The following RFFL variants were observed in gnomAD, a reference collection of about 807,000 sequenced individuals.
The protein encoded by RFFL is ring finger and FYVE like domain containing E3 ubiquitin protein ligase, also known as E3 ubiquitin-protein ligase rififylin.
A neutral mutation model predicts 40.4 loss-of-function variants in RFFL; 16 were observed. The observed-to-expected ratio is 0.40, with a 90% CI of 0.27 to 0.60. The LOEUF (loss-of-function observed/expected upper bound fraction) is 0.60. Ranked by LOEUF, RFFL falls within the 20% of genes least tolerant of loss-of-function variation. The probability of loss-of-function intolerance (pLI) is 0.47; values close to 1 mark genes in which losing one functional copy is unlikely to be tolerated. For synonymous variants in RFFL, 154 were observed against 167.9 expected (o/e 0.92, Z 0.64); for missense variants, 367 against 451.7 (o/e 0.81, Z 1.70).
rs2090931850 is a variant in RFFL, at chr17:35,010,686, A to T, written c.*1282T>A. Reference sequence around the variant, plus strand: ...AGAATAGCTTGAACCTGGGAGGTGGAGGTTGCAGTAAGCCAAGACTGTACC... The same window carrying T: ...AGAATAGCTTGAACCTGGGAGGTGGTGGTTGCAGTAAGCCAAGACTGTACC... On this transcript the variant is annotated 3_prime_UTR_variant, in exon 7 of 7. Transcript: ENST00000394597. 6.7e-6 allele frequency: 1 copy of T among 149,488 alleles called. No individual in the cohort carries two copies. Among genetic ancestry groups the T allele is most frequent in the Admixed American group, 6.7e-5 (1 of 14,898 alleles). The allele number at this position is 149,488 out of a possible 1,614,324, so 9.3% of individuals were successfully genotyped here. A position where few individuals can be genotyped will look rare whatever the true frequency, so the allele number is the denominator to read the frequency against.
intron 1 of RFFL, among the ~76,000 whole-genome samples, chr17:35,070,949 C>T (rs958537047): frequency 3.3e-5 from 5 of 152,174 alleles, no homozygotes; most frequent in African/African-American, 1.2e-4. Flanking sequence ...GTATTTGCAG[C>T]ACTTTGGGAG....
intron 1 of RFFL, among the ~76,000 whole-genome samples, chr17:35,042,564 G>C (rs967933688): frequency 6.6e-5 from 10 of 152,040 alleles, no homozygotes; most frequent in Non-Finnish European, 1.5e-4. Context: ...GCTCACACCT[G>C]TAATCCCAGC....
intron 1 of RFFL, among the ~76,000 whole-genome samples, chr17:35,043,480 C>G (rs1322968696): frequency 6.6e-6 from 1 of 152,300 alleles, no homozygotes. Context: ...CTCTCCAAAC[C>G]AGCTTCCAGA....
intron 6 of RFFL, 72 bp from the exon 7 acceptor site, chr17:35,012,221 C>T: frequency 7.4e-7 from 1 of 1,348,856 alleles, no homozygotes; most frequent in Non-Finnish European, 1.0e-6. Context: ...ATAGGGGTGA[C>T]TGGGGGAGGG....
At chr17:35,067,997 A>G (rs1287592288), upstream of RFFL, among the ~76,000 whole-genome samples, 1 of 152,172 alleles carries the variant, frequency 6.6e-6, no homozygotes, top group Non-Finnish European at 1.5e-5. Context: ...CTTCAGAGAC[A>G]ATTATCCTAA....
At chr17:35,064,970 G>A (rs1424180746), upstream of RFFL, among the ~76,000 whole-genome samples, 3 of 152,166 alleles carry the variant, frequency 2.0e-5, no homozygotes, top group African/African-American at 7.2e-5. Flanking sequence ...ATTATAAAAT[G>A]TTCCCTGTTT....
At chr17:35,049,200 A>G (rs1567710522) in intron 1 of RFFL, among the ~76,000 whole-genome samples, 1 of 152,224 alleles carries the variant, frequency 6.6e-6, no homozygotes, top group Admixed American at 6.5e-5. Flanking sequence ...CACAGTCACT[A>G]GACCATCCAC....
intron 1 of RFFL, among the ~76,000 whole-genome samples, chr17:35,030,790 A>G (rs2091077818): frequency 6.6e-6 from 1 of 152,048 alleles, no homozygotes; most frequent in Admixed American, 6.6e-5. Flanking sequence ...ACAGTATGTA[A>G]TAATAAAAAG....
intron 1 of RFFL, among the ~76,000 whole-genome samples, chr17:35,045,107 C>T (rs957469883): frequency 2.0e-5 from 3 of 151,778 alleles, no homozygotes; most frequent in Admixed American, 6.6e-5. Context: ...ATCTCCTGTA[C>T]CTCTGGAGAA....
intron 1 of RFFL, among the ~76,000 whole-genome samples, chr17:35,028,137 C>T (rs566549359): frequency 6.6e-6 from 1 of 151,854 alleles, no homozygotes; most frequent in Non-Finnish European, 1.5e-5. Context: ...GAGTTCAAGA[C>T]CAGTCTGGCC....
In RFFL at chr17:35,073,238, A is replaced by G. The variant is rs370045353; in HGVS notation, c.-9+15867T>C. Among the ~76,000 whole-genome samples, 22 of 152,250 alleles carry G rather than the reference A, an allele frequency of 1.4e-4. No homozygotes were observed. The South Asian group carries it at 2.3e-3, about 16-fold the overall frequency. On this transcript the variant is annotated intron_variant, in intron 1 of 6. Transcript: ENST00000315249. The stretch of plus-strand genomic sequence containing the variant: ...TACATTCAGGCACTACCTGTGCCCT[A>G]TCCATCACAATATTTTTATCGAGCC...
At chr17:35,059,370 G>A (rs533968949) in intron 1 of RFFL, among the ~76,000 whole-genome samples, 21 of 152,186 alleles carry the variant, frequency 1.4e-4, no homozygotes, top group African/African-American at 4.8e-4. Context: ...AACTCACAGA[G>A]AACCAAGATA....
At chr17:35,083,567 G>A (rs531578413) in intron 1 of RFFL, among the ~76,000 whole-genome samples, 12 of 152,062 alleles carry the variant, frequency 7.9e-5, no homozygotes, top group African/African-American at 2.9e-4. Flanking sequence ...GATCACTTGA[G>A]GTCAGTAGTT....
intron 1 of RFFL, among the ~76,000 whole-genome samples, chr17:35,036,803 A>G (rs757460891): frequency 7.9e-5 from 12 of 152,224 alleles, no homozygotes; most frequent in Non-Finnish European, 1.5e-4. Flanking sequence ...ATTAAGTCCT[A>G]GATTCCTAAG....
chr17:35,074,354 A>T (rs2091365624), intron 1 of RFFL: 1 of 152,164 alleles, frequency 6.6e-6, no homozygotes, highest in Admixed American at 6.5e-5. Flanking sequence ...TATTTGTCTA[A>T]TTGCTGTGGT....
At chr17:35,039,694 T>G (rs563951568) in intron 1 of RFFL, among the ~76,000 whole-genome samples, 1 of 152,140 alleles carries the variant, frequency 6.6e-6, no homozygotes, top group South Asian at 2.1e-4. Flanking sequence ...TTTTTTTTTT[T>G]GAAACGGAAT....
At chr17:35,033,547 A>G (rs2091099197) in intron 1 of RFFL, among the ~76,000 whole-genome samples, 1 of 150,980 alleles carries the variant, frequency 6.6e-6, no homozygotes, top group Non-Finnish European at 1.5e-5. Flanking sequence ...ATAAATAAAT[A>G]AATACATAAG....
At chr17:35,017,396 A>C in intron 4 of RFFL, 127 bp downstream of exon 4, 1 of 678,502 alleles carries the variant, frequency 1.5e-6, no homozygotes, top group Non-Finnish European at 2.7e-6. Flanking sequence ...ACCCTACCCC[A>C]AAAATATAAT....
intron 6 of RFFL, among the ~76,000 whole-genome samples, chr17:35,014,465 T>G (rs2142314072): frequency 6.6e-6 from 1 of 152,266 alleles, no homozygotes; most frequent in East Asian, 1.9e-4. Context: ...TCTGTTTCAG[T>G]GTTTTACAAA....
Sources: allele counts gnomAD v4.1 joint callset (sites outside exome capture counted in the v4.1 genomes callset), GRCh38; gene constraint gnomAD v4.1.1; transcripts MANE v1.5; gene names NCBI Gene and HGNC (gene_info 2026-07-23, HGNC 2026-07-21).